The following MRTFB variants were observed in gnomAD, a reference collection of about 807,000 sequenced individuals.
MRTFB encodes the protein myocardin-related transcription factor B.
In MRTFB, 29 loss-of-function variants were observed where a neutral mutation model predicts 104.2. That is an observed-to-expected ratio of 0.28 (90% CI 0.21 to 0.38). The LOEUF is 0.38. Among genes scored for constraint, MRTFB ranks in the 10% least tolerant of loss-of-function variants. The pLI, the probability that MRTFB is intolerant of heterozygous loss-of-function variation, is 1.00. For missense variants in MRTFB, 1,270 were observed against 1,341.6 expected (o/e 0.95, Z 0.83); for synonymous variants, 535 against 519.5 (o/e 1.03, Z -0.41).
At position 14,248,919 on chromosome 16, in the gene MRTFB, C is replaced by A; in HGVS notation, c.2248-7C>A. The stretch of plus-strand genomic sequence containing the variant: ...TAAATTGATGTTTTTTTCAATTCAC[C>A]TCCTAGACTTCACCACAAGCAGGAA... On this transcript the variant is annotated splice_polypyrimidine_tract_variant and splice_region_variant and intron_variant, in intron 12 of 16. Transcript: ENST00000571589. The A allele has an allele frequency of 6.2e-7, 1 of 1,610,570 alleles. No homozygotes were observed. The highest frequency in any genetic ancestry group is 1.7e-4 in the Middle Eastern group (1 of 6,024).
chr16:14,124,236 C>T (rs1302060643), intron 2 of MRTFB, among the ~76,000 whole-genome samples: 3 of 152,202 alleles, frequency 2.0e-5, no homozygotes, highest in African/African-American at 7.2e-5. Context: ...TTCCTCTTTT[C>T]CTATTCGAAT....
Position 14,248,992 on chromosome 16 carries a change from G to A in MRTFB, c.2314G>A (p.Ala772Thr). The A allele has an allele frequency of 1.2e-6, 2 of 1,614,218 alleles. No individual in the cohort carries two copies. The highest frequency in any genetic ancestry group is 1.7e-6 in the Non-Finnish European group (2 of 1,180,040). ...IATAAQIPTAALASGLAPTVP... is the reference protein window; with the variant it reads ...IATAAQIPTATLASGLAPTVP... Reference sequence around the variant, plus strand: ...AACTGCTGCACAAATACCAACTGCTGCCTTGGCCTCAGGCTTGGCCCCAAC... The same window carrying A: ...AACTGCTGCACAAATACCAACTGCTACCTTGGCCTCAGGCTTGGCCCCAAC... The change falls in exon 13 of 17, where the codon GCC (alanine) becomes ACC (threonine). Residue 772 changes from alanine to threonine, a missense_variant. Coordinates refer to ENST00000571589, the MANE Select transcript of MRTFB (RefSeq NM_001308142.2).
At chr16:14,131,949 A>G (rs191611751) in intron 2 of MRTFB, among the ~76,000 whole-genome samples, 29 of 152,288 alleles carry the variant, frequency 1.9e-4, no homozygotes, top group African/African-American at 7.0e-4. Flanking sequence ...AAGAGAATGG[A>G]AAAAATATAT....
At position 14,246,915 on chromosome 16, in the gene MRTFB, G is replaced by A; in HGVS notation, c.1655G>A (p.Ser552Asn). Residue 552 changes from serine (S) to asparagine (N), a missense_variant, in exon 12 of 17, where the codon AGT becomes AAT. Ser to Asn is a conservative substitution (Grantham distance 46, BLOSUM62 1). This residue lies in a region of MRTFB where 1,144 missense variants were observed against 1,131.5 expected (regional missense o/e 1.01). Transcript: ENST00000571589. ...TTGAGAATGACAAATAATGAAGACA[G>A]TCTGAGTCCCACCAGCAGCACTCTG... ...SPLRMTNNED[S>N]LSPTSSTLSN... The A allele has an allele frequency of 6.2e-7, 1 of 1,613,934 alleles. No homozygotes were observed. The highest frequency in any genetic ancestry group is 8.5e-7 in the Non-Finnish European group (1 of 1,180,030).
At chr16:14,071,637 CAG>C (rs901713784) in intron 1 of MRTFB, among the ~76,000 whole-genome samples, 3 of 152,122 alleles carry the variant, frequency 2.0e-5, no homozygotes, top group Admixed American at 6.5e-5. Context: ...ATCTCGACTG[CAG>C]AGTTGGCCCT....
At position 14,222,581 on chromosome 16, in the gene MRTFB, T is replaced by TTA. The variant is rs1555454143; in HGVS notation, c.693+3584_693+3585insAT. Among the ~76,000 whole-genome samples, 155 of 151,562 alleles carry TTA rather than the reference T, an allele frequency of 1.0e-3. 1 individual carries two copies. Among genetic ancestry groups the TTA allele is most frequent in the South Asian group, 2.9e-3 (14 of 4,770 alleles). ...TAATTTCCCTGTTTAGGTTTTTTTT[T>TTA]TTATTATTATTATTCCTGACTGAGG... On this transcript the variant is annotated intron_variant, in intron 8 of 16. Transcript: ENST00000571589.
At chr16:14,003,752 A>G in the MRTFB span, among the ~76,000 whole-genome samples, 1 of 150,878 alleles carries the variant, frequency 6.6e-6, no homozygotes, top group Non-Finnish European at 1.5e-5. Context: ...TGGAGACTAG[A>G]GGGGGGAAAC....
chr16:14,200,457 C>A (rs1426013539), intron 3 of MRTFB: 3 of 1,610,350 alleles, frequency 1.9e-6, no homozygotes, highest in East Asian at 2.2e-5. Context: ...ATCAGACATC[C>A]AGTAGCATCG....
At chr16:14,039,718 A>G in the MRTFB span, among the ~76,000 whole-genome samples, 3 of 147,038 alleles carry the variant, frequency 2.0e-5, no homozygotes, top group Non-Finnish European at 3.0e-5. Context: ...TGCTATGTCT[A>G]TTATCTATTA....
chr16:13,996,270 T>TCAACAA, the MRTFB span, among the ~76,000 whole-genome samples: 5 of 149,428 alleles, frequency 3.3e-5, no homozygotes, highest in Non-Finnish European at 7.4e-5. Context: ...ATACTCTGTC[T>TCAACAA]CAACAACAAC....
intron 2 of MRTFB, among the ~76,000 whole-genome samples, chr16:14,099,283 C>G (rs2035564828): frequency 1.3e-5 from 2 of 151,336 alleles, no homozygotes; most frequent in South Asian, 4.2e-4. Flanking sequence ...TCTTACACAT[C>G]TTTTGTCAGA....
rs369777614 is a variant in MRTFB at position 14,240,488 on chromosome 16, C to T, written c.1079+4C>T. 575 of 1,614,094 alleles carry T rather than the reference C, an allele frequency of 3.6e-4. 2 individuals are homozygous for T. The highest frequency in any genetic ancestry group is 6.6e-4 in the Middle Eastern group (4 of 6,084). The stretch of plus-strand genomic sequence containing the variant: ...CCATCCTGCCTGCACCATTCAAGTA[C>T]GGCGGGGCCCATGCTATCCTCAACG... On this transcript the variant is annotated splice_donor_region_variant and intron_variant, in intron 10 of 16. Coordinates refer to ENST00000571589, the MANE Select transcript of MRTFB (RefSeq NM_001308142.2).
chr16:14,025,921 C>T, the MRTFB span, among the ~76,000 whole-genome samples: 1 of 152,102 alleles, frequency 6.6e-6, no homozygotes, highest in Non-Finnish European at 1.5e-5. Flanking sequence ...CCTAACAAAA[C>T]ATTTATAGAA....
intron 2 of MRTFB, among the ~76,000 whole-genome samples, chr16:14,138,296 T>A (rs2037825283): frequency 1.3e-5 from 2 of 152,204 alleles, no homozygotes; most frequent in African/African-American, 4.8e-5. Flanking sequence ...AGCTAGTCTT[T>A]AGTTTTTTTA....
chr16:14,106,895 T>A (rs1321929097), intron 2 of MRTFB, among the ~76,000 whole-genome samples: 1 of 152,114 alleles, frequency 6.6e-6, no homozygotes, highest in African/African-American at 2.4e-5. Context: ...AAGAGTAAAA[T>A]TGTATGTTCA....
chr16:14,224,226 G>C lies in MRTFB; in HGVS notation c.693+5228G>C, dbSNP rs536811833. Among the ~76,000 whole-genome samples the C allele has an allele frequency of 5.9e-5, 9 of 152,244 alleles. No individual in the cohort carries two copies. In the South Asian group the frequency reaches 1.9e-3, roughly 32 times the overall value. ...CACCAGGCCCCTCTTCCAACACTTG[G>C]GGATTACAATTTGACATGAGATTTG... On this transcript the variant is annotated intron_variant, in intron 8 of 16. Coordinates refer to ENST00000571589, the MANE Select transcript of MRTFB (RefSeq NM_001308142.2).
At chr16:14,162,448 A>G (rs978548146) in intron 3 of MRTFB, among the ~76,000 whole-genome samples, 1 of 152,228 alleles carries the variant, frequency 6.6e-6, no homozygotes, top group Non-Finnish European at 1.5e-5. Flanking sequence ...TCATAGCAGC[A>G]CTATTTGTTG....
At chr16:14,099,926 A>G (rs1037514022) in intron 2 of MRTFB, among the ~76,000 whole-genome samples, 1 of 152,048 alleles carries the variant, frequency 6.6e-6, no homozygotes, top group African/African-American at 2.4e-5. Context: ...CGGACTCCCA[A>G]AGTGCTAGGA....
At chr16:14,089,741 T>C (rs2034938053) in intron 2 of MRTFB, among the ~76,000 whole-genome samples, 1 of 152,198 alleles carries the variant, frequency 6.6e-6, no homozygotes, top group Non-Finnish European at 1.5e-5. Flanking sequence ...AAGGTGCACC[T>C]TTTTTGTTCT....
Sources: gnomAD v4.1 joint callset for allele counts (sites outside exome capture counted in the v4.1 genomes callset) on GRCh38, gnomAD v4.1.1 for gene constraint, gnomAD v4.1.1 regional missense constraint, MANE v1.5 for transcripts, NCBI Gene and HGNC (gene_info 2026-07-23, HGNC 2026-07-21) for gene names.